Variants in OTOGL observed in about 807,000 individuals in gnomAD.
The protein encoded by OTOGL is otogelin-like protein.
Under a neutral mutation model 318.5 loss-of-function variants are expected in OTOGL, and 285 were observed. The observed-to-expected ratio is 0.89, with a 90% confidence interval of 0.81 to 0.99. OTOGL has a LOEUF of 0.99. Ranked by LOEUF, OTOGL falls within the 50% of genes least tolerant of loss-of-function variation. The pLI is 0.00. For missense variants in OTOGL, 2,899 were observed against 2,845.6 expected (o/e 1.02, Z -0.43); for synonymous variants, 987 against 936.5 (o/e 1.05, Z -0.99).
At position 80,226,280 on chromosome 12, in the gene OTOGL, T is replaced by G. The variant is rs544737855; in HGVS notation, c.490-2977T>G. 1.5e-3 allele frequency among the ~76,000 whole-genome samples: 230 copies of G among 151,988 alleles called. 1 individual carries two copies. The highest frequency in any genetic ancestry group is 5.4e-3 in the African/African-American group (224 of 41,476). Reference sequence around the variant, plus strand: ...ACCATTTTTGGTTAAATAATTTATATTTTTTATATTATTGTCACTATGTAA... The same window carrying G: ...ACCATTTTTGGTTAAATAATTTATAGTTTTTATATTATTGTCACTATGTAA... On this transcript the variant is annotated intron_variant, in intron 7 of 58. Coordinates refer to ENST00000547103, the MANE Select transcript of OTOGL (RefSeq NM_001378609.3).
At chr12:80,206,579 A>G (rs970679874) in intron 1 of OTOGL, among the ~76,000 whole-genome samples, 20 of 151,924 alleles carry the variant, frequency 1.3e-4, no homozygotes, top group African/African-American at 4.8e-4. Context: ...GTGTGACCTC[A>G]GTTCACGGCA....
At chr12:80,204,044 A>G (rs887301044) in intron 1 of OTOGL, among the ~76,000 whole-genome samples, 2 of 152,174 alleles carry the variant, frequency 1.3e-5, no homozygotes, top group Non-Finnish European at 2.9e-5. Flanking sequence ...AGCTTTTGGG[A>G]GATAATGATA....
chr12:80,270,856 A>G (rs759529063), intron 23 of OTOGL, among the ~76,000 whole-genome samples: 1 of 152,196 alleles, frequency 6.6e-6, no homozygotes, highest in Non-Finnish European at 1.5e-5. Flanking sequence ...TTCTAGGCAC[A>G]TAATAAACAA....
rs1888597136 is a variant in OTOGL, at chr12:80,339,188, G to T, written c.4974G>T (p.Trp1658Cys). The T allele has an allele frequency of 1.2e-6, 2 of 1,611,312 alleles. No individual in the cohort carries two copies. Among genetic ancestry groups the T allele is most frequent in the South Asian group, 1.1e-5 (1 of 91,026 alleles). ...ITTPAGLIIK[W>C]SHLTGIIDIH... ...CTCCAGCTGGACTAATCATAAAGTG[G>T]TCTCATCTTACAGGAATCATAGACA... The change falls in exon 43 of 59, where the codon TGG (tryptophan) becomes TGT (cysteine). Residue 1658 changes from tryptophan (W) to cysteine (C), a missense_variant. Physicochemically the swap from Trp to Cys is radical, Grantham distance 215. Transcript: ENST00000547103.
intron 1 of OTOGL, among the ~76,000 whole-genome samples, chr12:80,195,009 A>G (rs1875959467): frequency 6.6e-6 from 1 of 152,200 alleles, no homozygotes; most frequent in Admixed American, 6.5e-5. Context: ...TTTTAAAAAA[A>G]TGTAATTCCT....
At chr12:80,272,106 A>T (rs1292631180) in intron 24 of OTOGL, among the ~76,000 whole-genome samples, 1 of 152,060 alleles carries the variant, frequency 6.6e-6, no homozygotes, top group Non-Finnish European at 1.5e-5. Flanking sequence ...CATTCAAAAC[A>T]CTCTTCAAGT....
At chr12:80,333,225 C>A (rs1272316919) in intron 38 of OTOGL, 147 bp downstream of exon 38, 4 of 668,686 alleles carry the variant, frequency 6.0e-6, no homozygotes, top group Non-Finnish European at 9.9e-6. Flanking sequence ...ATATGCATTT[C>A]ATTGGAACAA....
chr12:80,160,548 G>C (rs1324551754), intron 1 of OTOGL, among the ~76,000 whole-genome samples: 1 of 152,066 alleles, frequency 6.6e-6, no homozygotes, highest in Non-Finnish European at 1.5e-5. Flanking sequence ...CCTTACTCCT[G>C]CATGAATAGC....
In OTOGL at chr12:80,318,647, A is replaced by G; in HGVS notation, c.3736A>G (p.Ser1246Gly). The G allele has an allele frequency of 2.0e-6, 3 of 1,468,384 alleles. No homozygotes were observed. Among genetic ancestry groups the G allele is most frequent in the Non-Finnish European group, 2.7e-6 (3 of 1,107,362 alleles). The allele number at this position is 1,468,384 out of a possible 1,614,324, so 91.0% of individuals were successfully genotyped here. Residue 1246 changes from serine to glycine, a missense_variant, in exon 33 of 59, where the codon AGT becomes GGT. By Grantham distance (56) the Ser-to-Gly change is moderately conservative. Coordinates refer to ENST00000547103, the MANE Select transcript of OTOGL (RefSeq NM_001378609.3). ...SRSVFCLPRS[S>G]VHTSLFFYFM... ...AAGCGTTTTCTGTTTGCCGAGAAGC[A>G]GTGTTCATACCAGTTTATTTTTTTA...
intron 11 of OTOGL, 120 bp downstream of exon 11, chr12:80,239,559 T>G: frequency 1.4e-6 from 1 of 692,528 alleles, no homozygotes; most frequent in South Asian, 2.8e-5. Context: ...ATGTAAAATA[T>G]AAACTGCAAA....
chr12:80,351,307 G>C (rs1262666607), intron 44 of OTOGL, among the ~76,000 whole-genome samples: 1 of 147,942 alleles, frequency 6.8e-6, no homozygotes, highest in Non-Finnish European at 1.5e-5. Flanking sequence ...TTTTTTTTTT[G>C]TTGTTGTTGT....
At chr12:80,373,021 G>A (rs1890977390) in intron 57 of OTOGL, among the ~76,000 whole-genome samples, 1 of 152,020 alleles carries the variant, frequency 6.6e-6, no homozygotes, top group African/African-American at 2.4e-5. Flanking sequence ...TGTTTTCCAT[G>A]AAACCACATT....
At chr12:80,347,588 G>A (rs1889277186) in intron 44 of OTOGL, among the ~76,000 whole-genome samples, 1 of 151,994 alleles carries the variant, frequency 6.6e-6, no homozygotes, top group African/African-American at 2.4e-5. Flanking sequence ...TATGAACAGT[G>A]CTGCAATAAA....
rs529708701 is a variant in OTOGL at position 80,243,448 on chromosome 12, A to G, written c.1052+4009A>G. On this transcript the variant is annotated intron_variant, in intron 11 of 58. Transcript: ENST00000547103. ...TTACCAATACTCCTACCCTAAAAGT[A>G]TGGGTAACGGACATTCTCTCAATAT... is the stretch of plus-strand genomic sequence containing the variant. Among the ~76,000 whole-genome samples the G allele has an allele frequency of 2.6e-5, 4 of 152,176 alleles. No homozygotes were observed. In the South Asian group the frequency reaches 8.3e-4, roughly 32 times the overall value.
intron 1 of OTOGL, among the ~76,000 whole-genome samples, chr12:80,145,251 A>T (rs1284301795): frequency 6.6e-6 from 1 of 151,306 alleles, no homozygotes; most frequent in Non-Finnish European, 1.5e-5. Context: ...TAAGGAAGGG[A>T]TCCAGTATCA....
At chr12:80,099,864 AG>A (rs1187943258) in intron 1 of OTOGL, among the ~76,000 whole-genome samples, 2 of 152,214 alleles carry the variant, frequency 1.3e-5, no homozygotes, top group African/African-American at 4.8e-5. Context: ...ATGTTCACTC[AG>A]TTGGAAAAAT....
chr12:80,261,990 A>C lies in OTOGL; in HGVS notation c.1911A>C (p.Glu637Asp). The C allele has an allele frequency of 6.2e-7, 1 of 1,612,442 alleles. No individual in the cohort carries two copies. The highest frequency in any genetic ancestry group is 8.5e-7 in the Non-Finnish European group (1 of 1,178,980). ...DDFLSPSGMIEGTPQLHANAW... is the reference protein window; with the variant it reads ...DDFLSPSGMIDGTPQLHANAW... ...CTAGTTCTCCATCAGGCATGATAGA[A>C]GGTACACCACAACTTCACGCAAATG... The change falls in exon 19 of 59, where the codon GAA becomes GAC. Residue 637 changes from glutamate (E) to aspartate (D), a missense_variant. Physicochemically the swap from Glu to Asp is conservative, Grantham distance 45. This residue lies in a region of OTOGL where 2,607 missense variants were observed against 2,524.9 expected (regional missense o/e 1.03). Transcript: ENST00000547103.
intron 57 of OTOGL, 128 bp from the exon 58 acceptor site, chr12:80,376,995 T>A (rs186683219): frequency 2.3e-3 from 1,268 of 541,018 alleles, no homozygotes; most frequent in Non-Finnish European, 2.9e-3. Context: ...GTTTTAAATA[T>A]CTTTCAATAC....
At chr12:80,307,720 GGC>G (rs1189480546) in intron 29 of OTOGL, among the ~76,000 whole-genome samples, 1 of 146,506 alleles carries the variant, frequency 6.8e-6, no homozygotes, top group East Asian at 2.1e-4. Context: ...TCCCGGACGG[GGC>G]GGCTGGCCGA....
Sources: gnomAD v4.1 joint callset for allele counts (sites outside exome capture counted in the v4.1 genomes callset) on GRCh38, gnomAD v4.1.1 for gene constraint, gnomAD v4.1.1 regional missense constraint, MANE v1.5 for transcripts, NCBI Gene and HGNC (gene_info 2026-07-23, HGNC 2026-07-21) for gene names.